RSPH9: variants seen among roughly 807,000 people sequenced by gnomAD.
RSPH9 encodes radial spoke head protein 9 homolog.
In RSPH9, 27 loss-of-function variants were observed where a neutral mutation model predicts 27.0. The observed-to-expected ratio is 1.00, with a 90% CI of 0.74 to 1.38. The LOEUF (loss-of-function observed/expected upper bound fraction) is 1.38, where lower values mean the gene tolerates loss of function less well. Ranked by LOEUF, RSPH9 falls within the 40% of genes most tolerant of loss-of-function variation. The pLI is 0.00. For synonymous variants in RSPH9, 145 were observed against 147.7 expected (o/e 0.98, Z 0.13); for missense variants, 347 against 357.4 (o/e 0.97, Z 0.24).
intron 4 of RSPH9, among the ~76,000 whole-genome samples, chr6:43,664,280 G>C (rs1433323171): frequency 6.6e-6 from 1 of 152,122 alleles, no homozygotes; most frequent in South Asian, 2.1e-4. Context: ...GCCCAGGCTG[G>C]AGTGCAGTGG....
Position 43,671,278 on chromosome 6 carries a change from C to T in RSPH9, c.*329C>T. The T allele has an allele frequency of 4.1e-6, 2 of 485,614 alleles. No individual in the cohort carries two copies. The highest frequency in any genetic ancestry group is 4.6e-5 in the South Asian group (2 of 43,102). 30.1% of individuals were successfully genotyped at this position (485,614 alleles called of 1,614,324 possible). On this transcript the variant is annotated 3_prime_UTR_variant, in exon 5 of 5. Coordinates refer to ENST00000372163, the MANE Select transcript of RSPH9 (RefSeq NM_152732.5). ...CAGCCCACCTTGGCTCCCTGCAGCT[C>T]TCCCACAGTAAGGAGCTCACAGCTG... is the stretch of plus-strand genomic sequence containing the variant.
At chr6:43,656,431 A>C in intron 3 of RSPH9, 146 bp from the exon 4 acceptor site, 1 of 932,736 alleles carries the variant, frequency 1.1e-6, no homozygotes, top group Non-Finnish European at 1.7e-6. Flanking sequence ...GACTGAGGGA[A>C]TGCTAATCCC....
chr6:43,649,578 G>C (rs1281889244), intron 1 of RSPH9, among the ~76,000 whole-genome samples: 11 of 151,942 alleles, frequency 7.2e-5, no homozygotes, highest in Admixed American at 5.3e-4. Context: ...ATATTTGAGA[G>C]GAGTGGGAAG....
At chr6:43,656,834 G>C (rs1772091707) in intron 4 of RSPH9, 111 bp downstream of exon 4, 1 of 1,275,902 alleles carries the variant, frequency 7.8e-7, no homozygotes, top group Non-Finnish European at 1.1e-6. Context: ...GTGGGAATTG[G>C]TGGTTCACCA....
At chr6:43,666,865 C>G (rs891249543) in intron 4 of RSPH9, among the ~76,000 whole-genome samples, 1 of 152,126 alleles carries the variant, frequency 6.6e-6, no homozygotes, top group Admixed American at 6.5e-5. Context: ...CTCCTGCCTC[C>G]GTCTCCCAAG....
At chr6:43,650,240 C>A in intron 1 of RSPH9, 135 bp from the exon 2 acceptor site, 1 of 1,039,288 alleles carries the variant, frequency 9.6e-7, no homozygotes, top group Non-Finnish European at 1.4e-6. Context: ...AACAGTCTCA[C>A]GACAGCATTG....
At position 43,671,698 on chromosome 6, in the gene RSPH9, TTG is replaced by T; in HGVS notation, c.*752_*753del. ...CAGGAGTATAGTTGTGGCCAAGGGC[TTG>T]TGAGTGGGCCTCCTACTCCCCAGCA... On this transcript the variant is annotated 3_prime_UTR_variant, in exon 5 of 5. Transcript: ENST00000372163. The T allele has an allele frequency of 6.3e-7, 1 of 1,597,072 alleles. No homozygotes were observed. The highest frequency in any genetic ancestry group is 8.6e-7 in the Non-Finnish European group (1 of 1,165,938).
intron 2 of RSPH9, among the ~76,000 whole-genome samples, chr6:43,652,870 G>T (rs1290776975): frequency 1.3e-5 from 2 of 152,094 alleles, no homozygotes; most frequent in Non-Finnish European, 2.9e-5. Flanking sequence ...CCAGGTTGGG[G>T]TGCAGTGGCA....
intron 4 of RSPH9, among the ~76,000 whole-genome samples, chr6:43,661,266 C>T (rs1772579894): frequency 6.6e-6 from 1 of 152,178 alleles, no homozygotes; most frequent in African/African-American, 2.4e-5. Context: ...TAAGCATTGG[C>T]TTCAACTTAA....
At chr6:43,658,372 A>G (rs981544124) in intron 4 of RSPH9, among the ~76,000 whole-genome samples, 10 of 152,020 alleles carry the variant, frequency 6.6e-5, no homozygotes, top group African/African-American at 2.4e-4. Flanking sequence ...CCTGACCACC[A>G]TAATAAAGTG....
At chr6:43,668,762 A>G (rs1265465669) in intron 4 of RSPH9, among the ~76,000 whole-genome samples, 1 of 152,218 alleles carries the variant, frequency 6.6e-6, no homozygotes, top group African/African-American at 2.4e-5. Flanking sequence ...GCAGGCTGCA[A>G]GCTGCCCTCC....
intron 2 of RSPH9, 132 bp from the exon 3 acceptor site, chr6:43,655,430 C>T (rs528567802): frequency 2.1e-6 from 2 of 933,582 alleles, no homozygotes; most frequent in East Asian, 2.4e-5. Context: ...AGGGCCTGCC[C>T]AGCGTGATCT....
Position 43,657,569 on chromosome 6 carries a change from T to C in RSPH9, c.670+846T>C, listed in dbSNP as rs180963585. Among the ~76,000 whole-genome samples, 1,303 of 152,224 alleles carry C rather than the reference T, an allele frequency of 8.6e-3. 10 individuals carry two copies. Among genetic ancestry groups the C allele is most frequent in the Middle Eastern group, 0.031 (9 of 294 alleles). ...AAGTAAACAATAGTTTAAATGACAA[T>C]AGGAACCACAGGACAATAGTCACCC... On this transcript the variant is annotated intron_variant, in intron 4 of 4. Coordinates refer to ENST00000372163, the MANE Select transcript of RSPH9 (RefSeq NM_152732.5).
At chr6:43,664,030 A>G in intron 4 of RSPH9, among the ~76,000 whole-genome samples, 1 of 151,694 alleles carries the variant, frequency 6.6e-6, no homozygotes, top group Non-Finnish European at 1.5e-5. Flanking sequence ...ATGTCTCGAA[A>G]AAAAAAAAAA....
In RSPH9 at chr6:43,670,955, G is replaced by A; in HGVS notation, c.*6G>A. On this transcript the variant is annotated 3_prime_UTR_variant, in exon 5 of 5. Coordinates refer to ENST00000372163, the MANE Select transcript of RSPH9 (RefSeq NM_152732.5). ...ACTTGCCCTTCATGCTATAGAATGG[G>A]AGCCAGCCTGGATGTTTTTAAACAG... The A allele has an allele frequency of 6.2e-7, 1 of 1,614,130 alleles. No homozygotes were observed. The highest frequency in any genetic ancestry group is 8.5e-7 in the Non-Finnish European group (1 of 1,180,030).
intron 1 of RSPH9, among the ~76,000 whole-genome samples, chr6:43,649,433 C>T (rs2127888724): frequency 6.6e-6 from 1 of 152,096 alleles, no homozygotes; most frequent in South Asian, 2.1e-4. Flanking sequence ...CCACCTCGGC[C>T]TCCAAAGTAC....
chr6:43,648,962 T>G (rs1771162792), intron 1 of RSPH9, among the ~76,000 whole-genome samples: 1 of 152,082 alleles, frequency 6.6e-6, no homozygotes, highest in Non-Finnish European at 1.5e-5. Context: ...GATGGCCTTC[T>G]CCCAAGCAGT....
At position 43,672,110 on chromosome 6, in the gene RSPH9, A is replaced by G. The variant is rs1161115471; in HGVS notation, c.*1161A>G. 2.2e-5 allele frequency: 14 copies of G among 643,980 alleles called. No homozygotes were observed. The highest frequency in any genetic ancestry group is 3.7e-5 in the Non-Finnish European group (14 of 376,806). 39.9% of individuals were successfully genotyped at this position (643,980 alleles called of 1,614,324 possible). ...GATGGGCTGGGCTCTTGCTGCCGCA[A>G]GCCTGTGTGGCCAGGTTCAGGCAGC... is the stretch of plus-strand genomic sequence containing the variant. On this transcript the variant is annotated 3_prime_UTR_variant, in exon 5 of 5. Coordinates refer to ENST00000372163, the MANE Select transcript of RSPH9 (RefSeq NM_152732.5).
chr6:43,646,779 G>C (rs548083615), intron 1 of RSPH9, among the ~76,000 whole-genome samples: 4 of 151,348 alleles, frequency 2.6e-5, no homozygotes, highest in Non-Finnish European at 5.9e-5. Context: ...TGGCTAACGC[G>C]GTGAAACACT....
Sources: gnomAD v4.1 joint callset for allele counts (sites outside exome capture counted in the v4.1 genomes callset) on GRCh38, gnomAD v4.1.1 for gene constraint, MANE v1.5 for transcripts, NCBI Gene and HGNC (gene_info 2026-07-23, HGNC 2026-07-21) for gene names.